Variants in COL4A6 observed in about 807,000 individuals in gnomAD.
COL4A6 encodes the protein collagen type IV alpha 6 chain, also known as collagen alpha-6(IV) chain.
COL4A6 carries 59 observed loss-of-function variants against 126.7 expected under a neutral mutation model. That is an observed-to-expected ratio of 0.47 (90% CI 0.38 to 0.58). The LOEUF is 0.58. Among genes scored for constraint, COL4A6 ranks in the 20% least tolerant of loss-of-function variants. The pLI is 0.00. For synonymous variants in COL4A6, 547 were observed against 496.6 expected, an observed-to-expected ratio of 1.10 and a Z score of -1.35; for missense variants, 1,285 against 1,337.3, an observed-to-expected ratio of 0.96 and a Z score of 0.61.
chrX:108,158,889 G>A lies in COL4A6; in HGVS notation c.4812+573C>T, dbSNP rs753719876. 8.9e-5 allele frequency among the ~76,000 whole-genome samples: 10 copies of A among 112,291 alleles called. No homozygotes were observed. The South Asian group carries it at 1.9e-3, about 21-fold the overall frequency. On this transcript the variant is annotated intron_variant, in intron 44 of 44. Coordinates refer to ENST00000334504, the MANE Select transcript of COL4A6 (RefSeq NM_033641.4). ...TGTGAGGGACTTGATGCCTCTTTGGGCCTGCAGATATTCTTTTTCTTAGCA... is the reference window on the plus strand; with the variant it reads ...TGTGAGGGACTTGATGCCTCTTTGGACCTGCAGATATTCTTTTTCTTAGCA...
chrX:108,168,017 G>A (rs2034185731), intron 37 of COL4A6, among the ~76,000 whole-genome samples: 1 of 111,348 alleles, frequency 9.0e-6, no homozygotes, highest in African/African-American at 3.3e-5. Context: ...GGTTGGTTTC[G>A]CTTATTTTTG....
chrX:108,259,462 G>A (rs1298925993), intron 3 of COL4A6, among the ~76,000 whole-genome samples: 1 of 111,731 alleles, frequency 9.0e-6, no homozygotes, highest in East Asian at 2.8e-4. Flanking sequence ...AACATCTAAT[G>A]TACAAGTACT....
intron 44 of COL4A6, among the ~76,000 whole-genome samples, chrX:108,159,063 A>G (rs2033831477): frequency 1.8e-5 from 2 of 111,616 alleles, no homozygotes; most frequent in Non-Finnish European, 3.8e-5. Context: ...GGTGGAGAGA[A>G]GAGGGGACAG....
At chrX:108,339,100 T>C (rs1393951143) in intron 2 of COL4A6, among the ~76,000 whole-genome samples, 2 of 111,857 alleles carry the variant, frequency 1.8e-5, no homozygotes, top group African/African-American at 6.5e-5. Context: ...TGAAAGTTAG[T>C]GGGGTTGGTG....
chrX:108,430,985 A>T (rs1569465835), intron 2 of COL4A6, among the ~76,000 whole-genome samples: 1 of 111,768 alleles, frequency 8.9e-6, no homozygotes, highest in East Asian at 2.8e-4. Context: ...CTCAAAAGAG[A>T]TGTCTTGGCT....
intron 3 of COL4A6, among the ~76,000 whole-genome samples, chrX:108,229,344 A>T (rs1433468155): frequency 8.9e-6 from 1 of 112,272 alleles, no homozygotes; most frequent in Non-Finnish European, 1.9e-5. Flanking sequence ...CTGTCAAGTG[A>T]GGATAATATC....
At chrX:108,281,963 A>T (rs2037846725) in intron 3 of COL4A6, among the ~76,000 whole-genome samples, 1 of 110,200 alleles carries the variant, frequency 9.1e-6, no homozygotes, top group African/African-American at 3.3e-5. Flanking sequence ...CTGAAACTGG[A>T]TCCCTTCCTT....
chrX:108,377,874 G>A (rs1399921261), intron 2 of COL4A6, among the ~76,000 whole-genome samples: 3 of 101,551 alleles, frequency 3.0e-5, no homozygotes, highest in Admixed American at 1.1e-4. Flanking sequence ...CCCGGGAGGC[G>A]GAGCTTGCAG....
intron 18 of COL4A6, 45 bp from the exon 19 acceptor site, chrX:108,191,578 C>T: frequency 8.6e-7 from 1 of 1,167,443 alleles, no homozygotes; most frequent in Non-Finnish European, 1.1e-6. Context: ...TATCACCTTA[C>T]TCTCTGGAGT....
chrX:108,382,253 G>T (rs1021401431), intron 2 of COL4A6, among the ~76,000 whole-genome samples: 4 of 111,727 alleles, frequency 3.6e-5, no homozygotes, highest in African/African-American at 1.3e-4. Flanking sequence ...TCCTGGATTT[G>T]TCTCTTACTT....
intron 3 of COL4A6, among the ~76,000 whole-genome samples, chrX:108,250,281 C>A (rs915130366): frequency 9.1e-6 from 1 of 110,214 alleles, no homozygotes; most frequent in Non-Finnish European, 1.9e-5. Flanking sequence ...ATTAAGACCC[C>A]CAACAAGTTT....
intron 2 of COL4A6, among the ~76,000 whole-genome samples, chrX:108,409,522 T>G (rs1380568010): frequency 9.0e-6 from 1 of 111,466 alleles, no homozygotes; most frequent in Non-Finnish European, 1.9e-5. Flanking sequence ...CAGGCTTGGA[T>G]AAGTTCGAAC....
intron 3 of COL4A6, among the ~76,000 whole-genome samples, chrX:108,235,940 G>A (rs1449165886): frequency 9.1e-6 from 1 of 110,488 alleles, no homozygotes; most frequent in African/African-American, 3.3e-5. Context: ...GCCAGACCAG[G>A]GGCCTGGCCG....
In COL4A6 at chrX:108,204,310, T is replaced by C. The variant is rs1190734488; in HGVS notation, c.780+10A>G. 8.7e-7 allele frequency: 1 copy of C among 1,146,391 alleles called. No individual in the cohort carries two copies. The highest frequency in any genetic ancestry group is 1.2e-6 in the Non-Finnish European group (1 of 860,035). 94.5% of individuals were successfully genotyped at this position (1,146,391 alleles called of 1,213,427 possible). A position where few individuals can be genotyped will look rare whatever the true frequency, so the allele number is the denominator to read the frequency against. On this transcript the variant is annotated intron_variant, in intron 12 of 44. Coordinates refer to ENST00000334504, the MANE Select transcript of COL4A6 (RefSeq NM_033641.4). ...TTATTAATTTTTTCCTATTCTTAAATGTTCACTACCTTGGATCCTTTCTTC... is the reference window on the plus strand; with the variant it reads ...TTATTAATTTTTTCCTATTCTTAAACGTTCACTACCTTGGATCCTTTCTTC...
At chrX:108,272,186 AAC>A (rs2037469516) in intron 3 of COL4A6, among the ~76,000 whole-genome samples, 1 of 111,367 alleles carries the variant, frequency 9.0e-6, no homozygotes, top group African/African-American at 3.3e-5. Flanking sequence ...TGCTTACTGT[AAC>A]AGCCTATAAA....
chrX:108,278,878 T>C (rs1184459676), intron 3 of COL4A6, among the ~76,000 whole-genome samples: 2 of 111,247 alleles, frequency 1.8e-5, no homozygotes, highest in African/African-American at 6.5e-5. Flanking sequence ...CAGAATTTCA[T>C]ATCCAGCCAA....
intron 2 of COL4A6, among the ~76,000 whole-genome samples, chrX:108,380,809 T>C (rs986543182): frequency 2.7e-5 from 3 of 112,144 alleles, no homozygotes; most frequent in Non-Finnish European, 5.6e-5. Flanking sequence ...AGTAGCTGTG[T>C]ATTCTTGCAC....
chrX:108,271,242 T>C (rs1023686544), intron 3 of COL4A6, among the ~76,000 whole-genome samples: 1 of 111,594 alleles, frequency 9.0e-6, no homozygotes, highest in African/African-American at 3.3e-5. Flanking sequence ...ACAAGCTTCA[T>C]TAACCAATAA....
chrX:108,215,915 G>A (rs2148242815), intron 5 of COL4A6, among the ~76,000 whole-genome samples: 1 of 111,354 alleles, frequency 9.0e-6, no homozygotes, highest in South Asian at 3.8e-4. Flanking sequence ...TGAAATGTCT[G>A]TTTCCTGCTG....
Sources: gnomAD v4.1 joint callset for allele counts (sites outside exome capture counted in the v4.1 genomes callset) on GRCh38, gnomAD v4.1.1 for gene constraint, MANE v1.5 for transcripts, NCBI Gene and HGNC (gene_info 2026-07-23, HGNC 2026-07-21) for gene names.